The following TMEM132C variants were observed in gnomAD, a reference collection of about 807,000 sequenced individuals.
TMEM132C encodes the protein transmembrane protein 132C.
A neutral mutation model predicts 61.4 loss-of-function variants in TMEM132C; 29 were observed. The observed-to-expected ratio is 0.47, with a 90% confidence interval of 0.35 to 0.64. The LOEUF (loss-of-function observed/expected upper bound fraction) is 0.64. TMEM132C is among the 30% of genes least tolerant of loss of function. The pLI is 0.00. For synonymous variants in TMEM132C, 656 were observed against 633.1 expected, an observed-to-expected ratio of 1.04 and a Z score of -0.54; for missense variants, 1,408 against 1,476.9, an observed-to-expected ratio of 0.95 and a Z score of 0.76.
At chr12:128,574,454 G>A (rs1354076713) in intron 3 of TMEM132C, among the ~76,000 whole-genome samples, 4 of 152,224 alleles carry the variant, frequency 2.6e-5, no homozygotes, top group Non-Finnish European at 4.4e-5. Flanking sequence ...AACCAAGGCT[G>A]GAGCAGGTGA....
At chr12:128,346,327 C>T (rs914124738) in intron 1 of TMEM132C, among the ~76,000 whole-genome samples, 20 of 152,078 alleles carry the variant, frequency 1.3e-4, no homozygotes, top group Non-Finnish European at 2.5e-4. Flanking sequence ...ACTTTGAAGT[C>T]GGGTAATGGT....
At chr12:128,585,183 C>T (rs1281330046) in intron 3 of TMEM132C, among the ~76,000 whole-genome samples, 5 of 152,232 alleles carry the variant, frequency 3.3e-5, no homozygotes, top group Non-Finnish European at 7.3e-5. Context: ...AATCACCACA[C>T]ACGTGAAAAA....
At chr12:128,676,154 A>C (rs2135636323) in intron 5 of TMEM132C, among the ~76,000 whole-genome samples, 1 of 152,336 alleles carries the variant, frequency 6.6e-6, no homozygotes, top group African/African-American at 2.4e-5. Context: ...TCACATGCAC[A>C]TTTAATTGTC....
intron 1 of TMEM132C, among the ~76,000 whole-genome samples, chr12:128,387,328 G>A (rs1415181906): frequency 3.9e-5 from 6 of 152,106 alleles, no homozygotes; most frequent in Admixed American, 3.9e-4. Flanking sequence ...CAGATCTGGG[G>A]CTTCTGCACC....
intron 4 of TMEM132C, among the ~76,000 whole-genome samples, chr12:128,621,514 G>T (rs1176206751): frequency 2.6e-5 from 4 of 152,228 alleles, no homozygotes; most frequent in African/African-American, 7.2e-5. Flanking sequence ...GCCTAGGAGA[G>T]AGGCAAGGAC....
chr12:128,310,787 G>T (rs1358120152), intron 1 of TMEM132C, among the ~76,000 whole-genome samples: 1 of 152,112 alleles, frequency 6.6e-6, no homozygotes, highest in Admixed American at 6.5e-5. Flanking sequence ...GCATATGGTG[G>T]GATAGAGAAA....
At chr12:128,293,917 T>A (rs1871324630) in intron 1 of TMEM132C, among the ~76,000 whole-genome samples, 1 of 152,222 alleles carries the variant, frequency 6.6e-6, no homozygotes, top group Non-Finnish European at 1.5e-5. Context: ...GAGTAATTAT[T>A]ATAATTACGC....
At chr12:128,427,136 A>G (rs2136033771) in intron 2 of TMEM132C, among the ~76,000 whole-genome samples, 1 of 152,252 alleles carries the variant, frequency 6.6e-6, no homozygotes, top group Admixed American at 6.5e-5. Flanking sequence ...TCGTTGCTCC[A>G]GGGTTCCTGA....
intron 4 of TMEM132C, among the ~76,000 whole-genome samples, chr12:128,641,961 ATTT>A (rs34283461): frequency 1.3e-4 from 17 of 128,728 alleles, no homozygotes; most frequent in African/African-American, 4.7e-4. Context: ...TGCCCGGCTA[ATTT>A]TTTTTTTTTT....
At chr12:128,547,662 CTTGGCCACATCCCCGTG>C (rs1455807944) in intron 3 of TMEM132C, among the ~76,000 whole-genome samples, 3 of 151,970 alleles carry the variant, frequency 2.0e-5, no homozygotes, top group South Asian at 4.2e-4. Flanking sequence ...GTTTTCAGAT[CTTGGCCACATCCCCGTG>C]TTGGCCACAT....
At chr12:128,566,266 T>C (rs1874700381) in intron 3 of TMEM132C, among the ~76,000 whole-genome samples, 1 of 151,408 alleles carries the variant, frequency 6.6e-6, no homozygotes, top group African/African-American at 2.4e-5. Flanking sequence ...GGCTTTCAGA[T>C]TAAAGAATGC....
At chr12:128,612,932 C>A (rs1009208771) in intron 3 of TMEM132C, among the ~76,000 whole-genome samples, 13 of 152,144 alleles carry the variant, frequency 8.5e-5, no homozygotes, top group African/African-American at 3.1e-4. Flanking sequence ...TTTCATGCCT[C>A]TTTCCTCCCT....
At position 128,600,758 on chromosome 12, in the gene TMEM132C, C is replaced by T. The variant is rs182808169; in HGVS notation, c.1122-15394C>T. On this transcript the variant is annotated intron_variant, in intron 3 of 8. Coordinates refer to ENST00000435159, the MANE Select transcript of TMEM132C (RefSeq NM_001136103.3). ...GGGCCCACCATGGACCACAATGATG[C>T]GCTTCTGCACCTCTCCCACTGTGCC... 9.7e-4 allele frequency among the ~76,000 whole-genome samples: 148 copies of T among 152,326 alleles called. 2 individuals carry two copies. Among genetic ancestry groups the T allele is most frequent in the African/African-American group, 3.4e-3 (142 of 41,578 alleles).
At chr12:128,389,065 G>A (rs1295135260) in intron 1 of TMEM132C, among the ~76,000 whole-genome samples, 2 of 152,188 alleles carry the variant, frequency 1.3e-5, no homozygotes, top group Admixed American at 1.3e-4. Flanking sequence ...AGACCCTGGC[G>A]AGATGCAGAA....
chr12:128,648,132 C>T lies in TMEM132C; in HGVS notation c.1306-21285C>T, dbSNP rs138815788. Among the ~76,000 whole-genome samples the T allele has an allele frequency of 3.6e-3, 550 of 151,004 alleles. 6 individuals are homozygous for T. The highest frequency in any genetic ancestry group is 0.013 in the African/African-American group (523 of 40,972). On this transcript the variant is annotated intron_variant, in intron 4 of 8. Coordinates refer to ENST00000435159, the MANE Select transcript of TMEM132C (RefSeq NM_001136103.3). ...GAGTGTGTTTACTGGAGTCCATTAGCGTTGGATGTGAGTGTGTTTACCAGA... is the reference window on the plus strand; with the variant it reads ...GAGTGTGTTTACTGGAGTCCATTAGTGTTGGATGTGAGTGTGTTTACCAGA...
At chr12:128,515,564 T>G (rs1036952179) in intron 2 of TMEM132C, among the ~76,000 whole-genome samples, 1 of 152,246 alleles carries the variant, frequency 6.6e-6, no homozygotes, top group East Asian at 1.9e-4. Flanking sequence ...CTCGGCACAG[T>G]GGCTCACGCC....
intron 1 of TMEM132C, among the ~76,000 whole-genome samples, chr12:128,293,201 A>G (rs1479397266): frequency 1.3e-5 from 2 of 152,192 alleles, no homozygotes; most frequent in African/African-American, 4.8e-5. Flanking sequence ...ACCTCTCCAC[A>G]GTATAAACTC....
chr12:128,292,151 A>ATTTTG (rs898564642), intron 1 of TMEM132C, among the ~76,000 whole-genome samples: 6 of 152,100 alleles, frequency 3.9e-5, no homozygotes, highest in African/African-American at 1.2e-4. Context: ...TAACTACAGC[A>ATTTTG]TTTTGTTTTG....
chr12:128,570,414 A>G lies in TMEM132C; in HGVS notation c.1121+26311A>G, dbSNP rs781771249. 3.9e-5 allele frequency among the ~76,000 whole-genome samples: 6 copies of G among 152,224 alleles called. No homozygotes were observed. Among genetic ancestry groups the G allele is most frequent in the Non-Finnish European group, 8.8e-5 (6 of 68,042 alleles). On this transcript the variant is annotated intron_variant, in intron 3 of 8. Coordinates refer to ENST00000435159, the MANE Select transcript of TMEM132C (RefSeq NM_001136103.3). The surrounding 1 kb of genome is among the most constrained non-coding windows in gnomAD (Gnocchi z 4.7). The stretch of plus-strand genomic sequence containing the variant: ...CGTCAGAGAAAAACTGCTCTGATGA[A>G]TGGGTCTTGGGTTAGACTTCATTCC...
Sources: allele counts gnomAD v4.1 joint callset (sites outside exome capture counted in the v4.1 genomes callset), GRCh38; gene constraint gnomAD v4.1.1; non-coding constraint Gnocchi (gnomAD v3.1); transcripts MANE v1.5; gene names NCBI Gene and HGNC (gene_info 2026-07-23, HGNC 2026-07-21).